The following ROBO1 variants were observed in gnomAD, a reference collection of about 807,000 sequenced individuals.
The protein encoded by ROBO1 is roundabout guidance receptor 1.
In ROBO1, 149 loss-of-function variants were observed where a neutral mutation model predicts 195.9. The observed-to-expected ratio is 0.76, with a 90% CI of 0.67 to 0.87. The LOEUF is 0.87. ROBO1 is among the 40% of genes least tolerant of loss of function. The pLI is 0.00. For synonymous variants in ROBO1, 816 were observed against 733.2 expected, an observed-to-expected ratio of 1.11 and a Z score of -1.82; for missense variants, 1,933 against 2,068.3, an observed-to-expected ratio of 0.93 and a Z score of 1.27.
At chr3:78,712,131 G>A (rs2081774525) in intron 8 of ROBO1, among the ~76,000 whole-genome samples, 1 of 147,688 alleles carries the variant, frequency 6.8e-6, no homozygotes, top group Non-Finnish European at 1.5e-5. Flanking sequence ...CCACCCTTAT[G>A]TAAGGTAATT....
At chr3:79,391,826 C>T (rs962171809) in intron 2 of ROBO1, among the ~76,000 whole-genome samples, 1 of 152,026 alleles carries the variant, frequency 6.6e-6, no homozygotes, top group Non-Finnish European at 1.5e-5. Flanking sequence ...CACATTGGTG[C>T]TTCAGCCTTG....
chr3:79,021,958 G>A (rs1026135612), intron 3 of ROBO1, among the ~76,000 whole-genome samples: 7 of 152,224 alleles, frequency 4.6e-5, no homozygotes, highest in East Asian at 1.9e-4. Context: ...TGCCGCGCCC[G>A]GCCTAGAGAT....
chr3:78,939,274 C>G (rs1358164175), intron 3 of ROBO1, among the ~76,000 whole-genome samples: 1 of 152,074 alleles, frequency 6.6e-6, no homozygotes, highest in African/African-American at 2.4e-5. Context: ...AATAATGGCA[C>G]GGTTCCCTGG....
In ROBO1 at chr3:79,358,530, G is replaced by A. The variant is rs559517505; in HGVS notation, c.88+231294C>T. Among the ~76,000 whole-genome samples the A allele has an allele frequency of 2.0e-5, 3 of 152,112 alleles. No homozygotes were observed. In the East Asian group the frequency reaches 5.8e-4, roughly 29 times the overall value. On this transcript the variant is annotated intron_variant, in intron 2 of 30. Coordinates refer to ENST00000464233, the MANE Select transcript of ROBO1 (RefSeq NM_002941.4). ...CTTTCCTCTATTTGTTGATCTCCCA[G>A]ATAATACTTTCTGTTCTTGTAAATC... is the stretch of plus-strand genomic sequence containing the variant.
intron 2 of ROBO1, among the ~76,000 whole-genome samples, chr3:79,281,152 G>T (rs1182594071): frequency 1.3e-5 from 2 of 152,194 alleles, no homozygotes; most frequent in East Asian, 3.8e-4. Context: ...CTGTTTTAGA[G>T]TAGTAAATCT....
At chr3:79,380,852 T>C (rs764759919) in intron 2 of ROBO1, among the ~76,000 whole-genome samples, 1 of 152,106 alleles carries the variant, frequency 6.6e-6, no homozygotes, top group Non-Finnish European at 1.5e-5. Context: ...TGAACCCTTA[T>C]GCTTGCTCTC....
chr3:79,486,386 C>A (rs1575897568), intron 2 of ROBO1, among the ~76,000 whole-genome samples: 1 of 152,100 alleles, frequency 6.6e-6, no homozygotes, highest in East Asian at 1.9e-4. Flanking sequence ...CCTTTCTTGG[C>A]CACCCCAGAG....
chr3:78,669,924 T>C (rs1707965214), intron 11 of ROBO1, among the ~76,000 whole-genome samples, 172 bp downstream of exon 11: 1 of 152,076 alleles, frequency 6.6e-6, no homozygotes, highest in South Asian at 2.1e-4. Flanking sequence ...TTAAATCATC[T>C]CAAACATATA....
chr3:79,034,310 T>C (rs918827966), intron 3 of ROBO1, among the ~76,000 whole-genome samples: 1 of 151,990 alleles, frequency 6.6e-6, no homozygotes, highest in Non-Finnish European at 1.5e-5. Context: ...CTCAGGAACA[T>C]AGAAAAATGA....
chr3:79,690,520 G>T (rs982744522), intron 1 of ROBO1, among the ~76,000 whole-genome samples: 2 of 151,962 alleles, frequency 1.3e-5, no homozygotes, highest in African/African-American at 4.8e-5. Context: ...CAGACTTATG[G>T]ACACCATGCT....
chr3:79,330,524 T>C (rs62259736), intron 2 of ROBO1, among the ~76,000 whole-genome samples: 6 of 151,358 alleles, frequency 4.0e-5, no homozygotes, highest in African/African-American at 7.3e-5. Context: ...AATTGTATAA[T>C]TGTATTACAA....
intron 2 of ROBO1, among the ~76,000 whole-genome samples, chr3:79,444,464 G>A (rs755397288): frequency 6.6e-6 from 1 of 152,088 alleles, no homozygotes; most frequent in Non-Finnish European, 1.5e-5. Context: ...TAATATTAAA[G>A]TGTTTGCAAG....
chr3:79,724,288 A>C (rs1406915513), intron 1 of ROBO1, among the ~76,000 whole-genome samples: 3 of 152,196 alleles, frequency 2.0e-5, no homozygotes, highest in Non-Finnish European at 4.4e-5. Context: ...AAACATAGTC[A>C]ATTAAGAAAC....
chr3:79,524,206 AGAAC>A (rs1293798055), intron 2 of ROBO1, among the ~76,000 whole-genome samples: 5 of 67,346 alleles, frequency 7.4e-5, no homozygotes, highest in Non-Finnish European at 2.6e-5. Flanking sequence ...AGAGACAGAG[AGAAC>A]CCACTATTTA....
intron 4 of ROBO1, among the ~76,000 whole-genome samples, chr3:78,823,857 T>A (rs2108692941): frequency 6.6e-6 from 1 of 152,224 alleles, no homozygotes; most frequent in South Asian, 2.1e-4. Flanking sequence ...AATTTCTTTT[T>A]TTCTCAAATT....
chr3:79,579,272 AT>A (rs1373647130), intron 2 of ROBO1, among the ~76,000 whole-genome samples: 3 of 152,168 alleles, frequency 2.0e-5, no homozygotes, highest in Non-Finnish European at 4.4e-5. Flanking sequence ...GGTAAATGTT[AT>A]TGTTATTTGA....
chr3:79,703,158 T>G (rs1576255004), intron 1 of ROBO1, among the ~76,000 whole-genome samples: 1 of 152,072 alleles, frequency 6.6e-6, no homozygotes, highest in Non-Finnish European at 1.5e-5. Flanking sequence ...TATGAAAATG[T>G]CTCAAAATTG....
intron 4 of ROBO1, among the ~76,000 whole-genome samples, chr3:78,772,162 G>A (rs1175480433): frequency 6.6e-6 from 1 of 151,848 alleles, no homozygotes; most frequent in Non-Finnish European, 1.5e-5. Flanking sequence ...TGTCATTTAT[G>A]TCTGGAAATT....
chr3:79,054,887 C>A (rs781124807), intron 3 of ROBO1, among the ~76,000 whole-genome samples: 1 of 152,098 alleles, frequency 6.6e-6, no homozygotes, highest in African/African-American at 2.4e-5. Context: ...CCACTTCAGG[C>A]GGTCCCAACG....
Sources: gnomAD v4.1 joint callset for allele counts (sites outside exome capture counted in the v4.1 genomes callset) on GRCh38, gnomAD v4.1.1 for gene constraint, MANE v1.5 for transcripts, NCBI Gene and HGNC (gene_info 2026-07-23, HGNC 2026-07-21) for gene names.